NIBAN2: variants seen among roughly 807,000 people sequenced by gnomAD.
NIBAN2 encodes the protein protein Niban 2.
A neutral mutation model predicts 81.8 loss-of-function variants in NIBAN2; 36 were observed. The ratio of observed to expected loss-of-function variants is 0.44; its 90% confidence interval spans 0.34 to 0.58. The LOEUF is 0.58. Among genes scored for constraint, NIBAN2 ranks in the 20% least tolerant of loss-of-function variants. NIBAN2 has a pLI of 0.02. For synonymous variants in NIBAN2, 445 were observed against 441.6 expected (o/e 1.01, Z -0.10); for missense variants, 897 against 1,014.1 (o/e 0.88, Z 1.57).
At chr9:127,539,221 T>C (rs1793455754) in intron 1 of NIBAN2, among the ~76,000 whole-genome samples, 1 of 149,922 alleles carries the variant, frequency 6.7e-6, no homozygotes, top group African/African-American at 2.5e-5. Context: ...GGGAAAGAGG[T>C]GGGTTTTGGA....
intron 1 of NIBAN2, among the ~76,000 whole-genome samples, chr9:127,537,080 T>C (rs956239119): frequency 6.6e-6 from 1 of 152,160 alleles, no homozygotes. Flanking sequence ...TGCTGCTAGG[T>C]GAGAAGGCAG....
intron 1 of NIBAN2, among the ~76,000 whole-genome samples, chr9:127,557,595 C>T (rs1310776730): frequency 1.3e-5 from 2 of 152,256 alleles, no homozygotes; most frequent in African/African-American, 4.8e-5. Context: ...CCAGAAACAG[C>T]TCCTCTCGGA....
At chr9:127,566,146 A>G (rs974588027) in intron 1 of NIBAN2, among the ~76,000 whole-genome samples, 1 of 151,910 alleles carries the variant, frequency 6.6e-6, no homozygotes, top group Non-Finnish European at 1.5e-5. Flanking sequence ...AAAAAAAGAT[A>G]TTACTCCAAG....
At chr9:127,531,995 A>G (rs977777965) in intron 1 of NIBAN2, among the ~76,000 whole-genome samples, 17 of 152,356 alleles carry the variant, frequency 1.1e-4, no homozygotes, top group African/African-American at 3.8e-4. Context: ...CAGATGGGAA[A>G]GCGGGTAATG....
chr9:127,525,191 G>C (rs1404739106), intron 3 of NIBAN2, 28 bp from the exon 4 acceptor site: 1 of 1,580,052 alleles, frequency 6.3e-7, no homozygotes, highest in Non-Finnish European at 8.7e-7. Context: ...GAGGGTCCCT[G>C]AGGGTTAAGG....
At chr9:127,556,800 C>T (rs755509259) in intron 1 of NIBAN2, among the ~76,000 whole-genome samples, 2 of 151,300 alleles carry the variant, frequency 1.3e-5, no homozygotes, top group South Asian at 2.1e-4. Flanking sequence ...ACGGGCTGGG[C>T]GTGGTGGCTC....
chr9:127,510,345 G>A lies in NIBAN2; in HGVS notation c.974-12C>T, dbSNP rs2132154300. On this transcript the variant is annotated splice_polypyrimidine_tract_variant and intron_variant, in intron 8 of 13. Coordinates refer to ENST00000373312, the MANE Select transcript of NIBAN2 (RefSeq NM_022833.4). Reference sequence around the variant, plus strand: ...GGGGAGGATGAAGGCTGTGCCCCGAGGGAGCCGGGTCAGCAGGGGCTCCCC... The same window carrying A: ...GGGGAGGATGAAGGCTGTGCCCCGAAGGAGCCGGGTCAGCAGGGGCTCCCC... The A allele has an allele frequency of 1.3e-6, 2 of 1,582,866 alleles. No individual in the cohort carries two copies. Among genetic ancestry groups the A allele is most frequent in the Admixed American group, 1.7e-5 (1 of 57,746 alleles).
rs998457226 is a variant in NIBAN2, at chr9:127,538,258, C to T, written c.56-6480G>A. Among the ~76,000 whole-genome samples, 4 of 152,204 alleles carry T rather than the reference C, an allele frequency of 2.6e-5. No individual in the cohort carries two copies. In the East Asian group the frequency reaches 5.8e-4, roughly 22 times the overall value. On this transcript the variant is annotated intron_variant, in intron 1 of 13. Coordinates refer to ENST00000373312, the MANE Select transcript of NIBAN2 (RefSeq NM_022833.4). ...AGGGTGACTGAGAAGGACCCCCTCA[C>T]AAGCCAGTCCTCCTAACTCTGCCCC...
chr9:127,507,502 C>A lies in NIBAN2; in HGVS notation c.1655-71G>T. 1 of 1,321,646 alleles carries A rather than the reference C, an allele frequency of 7.6e-7. No homozygotes were observed. Among genetic ancestry groups the A allele is most frequent in the South Asian group, 1.6e-5 (1 of 63,130 alleles). The allele number at this position is 1,321,646 out of a possible 1,614,324, so 81.9% of individuals were successfully genotyped here. ...AGCCGCCCCTGTGCTGGACTCTGCT[C>A]AAAGAAGACCCGTCTCATCCCGCCT... On this transcript the variant is annotated intron_variant, in intron 13 of 13. Transcript: ENST00000373312. This position sits in a 1 kb window ranked among gnomAD's most constrained non-coding sequence, Gnocchi z 6.8.
chr9:127,516,078 G>A (rs967185578), intron 8 of NIBAN2, among the ~76,000 whole-genome samples: 8 of 152,030 alleles, frequency 5.3e-5, no homozygotes, highest in Non-Finnish European at 8.8e-5. Flanking sequence ...AGCCAAGGTC[G>A]TGCCATTGCA....
chr9:127,518,889 T>C (rs1291038109), intron 5 of NIBAN2, among the ~76,000 whole-genome samples: 1 of 152,136 alleles, frequency 6.6e-6, no homozygotes, highest in Non-Finnish European at 1.5e-5. Flanking sequence ...TGTTAAAGAA[T>C]GAAGCTGGGT....
At chr9:127,527,111 G>T (rs1837083347) in intron 3 of NIBAN2, 83 bp downstream of exon 3, 6 of 1,555,342 alleles carry the variant, frequency 3.9e-6, no homozygotes, top group Non-Finnish European at 5.3e-6. Flanking sequence ...GTGGCGTCTG[G>T]GGCCTAAGTT....
intron 1 of NIBAN2, among the ~76,000 whole-genome samples, chr9:127,567,872 G>T (rs1837886586): frequency 6.6e-6 from 1 of 152,160 alleles, no homozygotes; most frequent in African/African-American, 2.4e-5. Flanking sequence ...ATTTCAAAAA[G>T]GAGAAAACCA....
intron 8 of NIBAN2, among the ~76,000 whole-genome samples, chr9:127,512,217 C>T (rs1269125508): frequency 6.6e-6 from 1 of 152,150 alleles, no homozygotes; most frequent in Non-Finnish European, 1.5e-5. Flanking sequence ...AAGCCTCATG[C>T]CTGCATTGAG....
chr9:127,533,329 C>A (rs921398541), intron 1 of NIBAN2, among the ~76,000 whole-genome samples: 1 of 151,760 alleles, frequency 6.6e-6, no homozygotes. Context: ...TGGTGGCGGG[C>A]GCCTGTAGTC....
intron 8 of NIBAN2, among the ~76,000 whole-genome samples, chr9:127,510,925 T>C (rs1417962786): frequency 2.0e-5 from 3 of 152,210 alleles, no homozygotes; most frequent in Admixed American, 6.5e-5. Context: ...GCTTGTTCCA[T>C]GGGTACATTG....
At chr9:127,549,439 GCACA>G (rs1435152124) in intron 1 of NIBAN2, among the ~76,000 whole-genome samples, 1 of 151,888 alleles carries the variant, frequency 6.6e-6, no homozygotes. Flanking sequence ...ACATGTGCAG[GCACA>G]CACACGCACA....
At chr9:127,570,317 A>T (rs573010218), upstream of NIBAN2, among the ~76,000 whole-genome samples, 14 of 152,306 alleles carry the variant, frequency 9.2e-5, no homozygotes, top group African/African-American at 3.4e-4. Flanking sequence ...GCATTCAGTC[A>T]CTTACCAGTC....
In NIBAN2 at chr9:127,531,129, A is replaced by T. The variant is rs1837170621; in HGVS notation, c.186+519T>A. ...AGGAAGGTTGAGGCTGCAGTGAGGC[A>T]TGATTGCGCCACTGCACTCCAGCCT... On this transcript the variant is annotated intron_variant, in intron 2 of 13. Transcript: ENST00000373312. Among the ~76,000 whole-genome samples, 4 of 151,508 alleles carry T rather than the reference A, an allele frequency of 2.6e-5. No individual in the cohort carries two copies. In the South Asian group the frequency reaches 8.3e-4, roughly 31 times the overall value.
Sources: allele counts gnomAD v4.1 joint callset (sites outside exome capture counted in the v4.1 genomes callset), GRCh38; gene constraint gnomAD v4.1.1; non-coding constraint Gnocchi (gnomAD v3.1); transcripts MANE v1.5; gene names NCBI Gene and HGNC (gene_info 2026-07-23, HGNC 2026-07-21).